Variants in MRAP2 observed in about 807,000 individuals in gnomAD.
MRAP2 encodes the protein melanocortin-2 receptor accessory protein 2.
Under a neutral mutation model 17.4 loss-of-function variants are expected in MRAP2, and 20 were observed. The ratio of observed to expected loss-of-function variants is 1.15; its 90% CI spans 0.81 to 1.67. The LOEUF (loss-of-function observed/expected upper bound fraction) is 1.67, where lower values mean the gene tolerates loss of function less well. Ranked by LOEUF, MRAP2 falls within the 40% of genes most tolerant of loss-of-function variation. MRAP2 has a pLI of 0.00. For synonymous variants in MRAP2, 96 were observed against 88.4 expected, an observed-to-expected ratio of 1.09 and a Z score of -0.48; for missense variants, 238 against 240.0, an observed-to-expected ratio of 0.99 and a Z score of 0.05.
intron 3 of MRAP2, among the ~76,000 whole-genome samples, chr6:84,076,229 T>A (rs1483549439): frequency 2.0e-5 from 3 of 151,256 alleles, no homozygotes; most frequent in African/African-American, 7.3e-5. Context: ...AGCTAATTTT[T>A]TTTTTTTTTT....
rs1485092068 is a variant in MRAP2, at chr6:84,043,626, G to A, written c.-8+9743G>A. ...ACTGTCTATGTCTTCAGGCTTTTGT[G>A]TTGTCCCTCAAGCTGTGTGTGTATG... On this transcript the variant is annotated intron_variant, in intron 1 of 3. Transcript: ENST00000257776. Among the ~76,000 whole-genome samples the A allele has an allele frequency of 4.2e-5, 6 of 142,646 alleles. No individual in the cohort carries two copies. In the East Asian group the frequency reaches 1.1e-3, roughly 26 times the overall value. 93.6% of individuals were successfully genotyped at this position (142,646 alleles called of 152,430 possible). A position where few individuals can be genotyped will look rare whatever the true frequency, so the allele number is the denominator to read the frequency against.
the MRAP2 span, among the ~76,000 whole-genome samples, chr6:84,141,348 TGTCAA>T: frequency 6.6e-6 from 1 of 152,040 alleles, no homozygotes; most frequent in Non-Finnish European, 1.5e-5. Flanking sequence ...CATAAAAGAG[TGTCAA>T]GTCTAGTCTA....
At chr6:84,051,686 G>A (rs574407670) in intron 1 of MRAP2, among the ~76,000 whole-genome samples, 2 of 152,162 alleles carry the variant, frequency 1.3e-5, no homozygotes, top group African/African-American at 2.4e-5. Context: ...TCATACCATC[G>A]CATTCCTACC....
At chr6:84,092,425 A>G (rs2099501920), downstream of MRAP2, among the ~76,000 whole-genome samples, 1 of 152,192 alleles carries the variant, frequency 6.6e-6, no homozygotes, top group Non-Finnish European at 1.5e-5. Flanking sequence ...AATCAATTCA[A>G]AGTCACATGT....
chr6:84,075,974 C>T (rs1051082457), intron 3 of MRAP2, among the ~76,000 whole-genome samples: 2 of 152,124 alleles, frequency 1.3e-5, no homozygotes, highest in African/African-American at 4.8e-5. Context: ...CCTGAGGAAG[C>T]CCTGTCGTTC....
chr6:84,083,133 A>G (rs1264359333), intron 3 of MRAP2, among the ~76,000 whole-genome samples: 1 of 152,228 alleles, frequency 6.6e-6, no homozygotes. Flanking sequence ...GTGTGCTCTC[A>G]TGGCGACTGG....
chr6:84,113,242 C>T, the MRAP2 span, among the ~76,000 whole-genome samples: 11 of 152,238 alleles, frequency 7.2e-5, no homozygotes, highest in East Asian at 2.1e-3. Flanking sequence ...TTGTAGGTCT[C>T]TCAGAACTTG....
chr6:84,083,383 T>G (rs1053927397), intron 3 of MRAP2, among the ~76,000 whole-genome samples: 1 of 152,254 alleles, frequency 6.6e-6, no homozygotes, highest in Non-Finnish European at 1.5e-5. Flanking sequence ...CCTGTGAATA[T>G]CAGGTGTTCA....
downstream of MRAP2, among the ~76,000 whole-genome samples, chr6:84,094,109 T>C (rs563549820): frequency 6.6e-6 from 1 of 152,194 alleles, no homozygotes; most frequent in South Asian, 2.1e-4. Context: ...CTTCTGTGGA[T>C]CACTCCTGAA....
the MRAP2 span, chr6:84,125,401 C>T: frequency 1.1e-4 from 85 of 740,390 alleles, no homozygotes; most frequent in African/African-American, 9.8e-4. Flanking sequence ...TAATGCTCTG[C>T]GTGGATGCAA....
chr6:84,089,316 T>C lies in MRAP2; in HGVS notation c.453T>C (p.Ser151=), dbSNP rs1204708528. The part of the protein sequence containing the change: ...DVQLQEAIRS[S]GQPEEELNRL... ...AACTCCAGGAAGCCATCAGAAGCAG[T>C]GGGCAGCCAGAGGAGGAGCTGAACA... Residue 151 remains serine (S), a synonymous_variant, in exon 4 of 4, where the codon AGT becomes AGC. Transcript: ENST00000257776. 6.2e-7 allele frequency: 1 copy of C among 1,614,158 alleles called. No individual in the cohort carries two copies. Among genetic ancestry groups the C allele is most frequent in the Admixed American group, 1.7e-5 (1 of 60,016 alleles).
intron 3 of MRAP2, among the ~76,000 whole-genome samples, chr6:84,076,647 A>C (rs1296075107): frequency 6.6e-6 from 1 of 152,140 alleles, no homozygotes; most frequent in Non-Finnish European, 1.5e-5. Flanking sequence ...AACGTGAGCC[A>C]CTGCGCCTGG....
At chr6:84,125,041 A>G in the MRAP2 span, 4 of 1,552,430 alleles carry the variant, frequency 2.6e-6, no homozygotes, top group Non-Finnish European at 3.5e-6. Flanking sequence ...AGGCCTTTTA[A>G]TAAGGTCATT....
chr6:84,114,467 G>A, the MRAP2 span, among the ~76,000 whole-genome samples: 1 of 151,954 alleles, frequency 6.6e-6, no homozygotes, highest in Non-Finnish European at 1.5e-5. Flanking sequence ...TTCTAGTTAG[G>A]AACTCCTCTA....
chr6:84,040,576 C>T (rs774338729), intron 1 of MRAP2, among the ~76,000 whole-genome samples: 21 of 152,144 alleles, frequency 1.4e-4, no homozygotes, highest in Non-Finnish European at 5.9e-5. Flanking sequence ...TTTGGAACTT[C>T]CTAGAGACTT....
the MRAP2 span, among the ~76,000 whole-genome samples, chr6:84,100,289 G>T: frequency 6.6e-6 from 1 of 151,960 alleles, no homozygotes; most frequent in Non-Finnish European, 1.5e-5. Flanking sequence ...TTGAGACAGG[G>T]TCTCACTCTG....
intron 2 of MRAP2, chr6:84,062,064 CGTAA>C (rs976974331): frequency 9.1e-6 from 9 of 985,304 alleles, no homozygotes; most frequent in African/African-American, 1.7e-5. Context: ...CCATGGTGAA[CGTAA>C]GTGAGAATGC....
the MRAP2 span, among the ~76,000 whole-genome samples, chr6:84,125,727 A>C: frequency 6.6e-6 from 1 of 152,142 alleles, no homozygotes; most frequent in Non-Finnish European, 1.5e-5. Context: ...GGCTATCTGC[A>C]AGCTGGAAAG....
chr6:84,143,432 A>T, the MRAP2 span, among the ~76,000 whole-genome samples: 4 of 152,062 alleles, frequency 2.6e-5, no homozygotes, highest in Non-Finnish European at 4.4e-5. Context: ...AAGATAAGGG[A>T]AACAACTTTG....
Sources: allele counts gnomAD v4.1 joint callset (sites outside exome capture counted in the v4.1 genomes callset), GRCh38; gene constraint gnomAD v4.1.1; transcripts MANE v1.5; gene names NCBI Gene and HGNC (gene_info 2026-07-23, HGNC 2026-07-21).